NEK1: variants seen among roughly 807,000 people sequenced by gnomAD.
The protein encoded by NEK1 is NIMA related kinase 1.
A neutral mutation model predicts 182.1 loss-of-function variants in NEK1; 137 were observed. That is an observed-to-expected ratio of 0.75 (90% CI 0.65 to 0.87). NEK1 has a LOEUF of 0.87. Among genes scored for constraint, NEK1 ranks in the 40% least tolerant of loss-of-function variants. NEK1 has a pLI of 0.00. For synonymous variants in NEK1, 513 were observed against 492.2 expected (o/e 1.04, Z -0.56); for missense variants, 1,391 against 1,494.4 (o/e 0.93, Z 1.14).
intron 35 of NEK1, among the ~76,000 whole-genome samples, chr4:169,397,252 A>G (rs1335239969): frequency 1.3e-5 from 2 of 151,476 alleles, no homozygotes; most frequent in Non-Finnish European, 2.9e-5. Context: ...CCAACAAAAA[A>G]CTCCCCAAAT....
intron 26 of NEK1, 120 bp downstream of exon 26, chr4:169,477,004 T>C (rs1038303615): frequency 6.1e-6 from 4 of 658,978 alleles, no homozygotes; most frequent in Admixed American, 6.7e-5. Flanking sequence ...AAGGAAAATA[T>C]ATAGAATTCT....
chr4:169,434,220 T>C (rs2149412696), intron 28 of NEK1, among the ~76,000 whole-genome samples: 1 of 149,218 alleles, frequency 6.7e-6, no homozygotes, highest in African/African-American at 2.5e-5. Context: ...TTTTTTTTTT[T>C]TTTTTGAGAC....
At chr4:169,479,637 A>C in intron 23 of NEK1, 103 bp from the exon 24 acceptor site, 1 of 925,142 alleles carries the variant, frequency 1.1e-6, no homozygotes, top group Non-Finnish European at 1.6e-6. Flanking sequence ...ATCCACAAGT[A>C]GTTTTTTTCA....
intron 12 of NEK1, among the ~76,000 whole-genome samples, chr4:169,563,343 C>T (rs147119847): frequency 4.6e-5 from 7 of 151,096 alleles, no homozygotes; most frequent in East Asian, 1.9e-4. Context: ...CCTGACAGAG[C>T]GAGATCCTGT....
intron 18 of NEK1, 111 bp from the exon 19 acceptor site, chr4:169,538,022 G>A: frequency 3.1e-6 from 2 of 644,236 alleles, no homozygotes; most frequent in Non-Finnish European, 5.4e-6. Flanking sequence ...GAAGGCTGAT[G>A]AAACACTATC....
At position 169,556,111 on chromosome 4, in the gene NEK1, A is replaced by G; in HGVS notation, c.1267-16T>C. On this transcript the variant is annotated splice_polypyrimidine_tract_variant and intron_variant, in intron 16 of 35. Transcript: ENST00000507142. ...GAAAAGGAGCCTAGGGATTAAACAA[A>G]GAGCTCTCACATGTTTATCTTATAA... 6.2e-7 allele frequency: 1 copy of G among 1,605,864 alleles called. No homozygotes were observed. Among genetic ancestry groups the G allele is most frequent in the Non-Finnish European group, 8.5e-7 (1 of 1,176,486 alleles).
intron 29 of NEK1, among the ~76,000 whole-genome samples, chr4:169,428,571 A>T (rs1579531316): frequency 6.6e-6 from 1 of 151,518 alleles, no homozygotes; most frequent in African/African-American, 2.4e-5. Context: ...GTTGGTGGGG[A>T]GGGAAAAAAC....
intron 19 of NEK1, among the ~76,000 whole-genome samples, chr4:169,514,359 G>C (rs1160768782): frequency 6.6e-6 from 1 of 152,100 alleles, no homozygotes; most frequent in Non-Finnish European, 1.5e-5. Flanking sequence ...TTTGGTTATG[G>C]TATTAGGGTA....
Position 169,602,681 on chromosome 4 carries a change from A to T in NEK1, c.-48-3T>A. 1 of 933,748 alleles carries T rather than the reference A, an allele frequency of 1.1e-6. No homozygotes were observed. The highest frequency in any genetic ancestry group is 1.7e-6 in the Non-Finnish European group (1 of 581,802). The allele number at this position is 933,748 out of a possible 1,614,324, so 57.8% of individuals were successfully genotyped here. A position where few individuals can be genotyped will look rare whatever the true frequency, so the allele number is the denominator to read the frequency against. ...AGATATGCTAGACATTTAAAAAACTAACAAAAAAGATAAAGCATTTATAAC... is the reference window on the plus strand; with the variant it reads ...AGATATGCTAGACATTTAAAAAACTTACAAAAAAGATAAAGCATTTATAAC... On this transcript the variant is annotated splice_region_variant and splice_polypyrimidine_tract_variant and intron_variant, in intron 2 of 35. Transcript: ENST00000507142.
chr4:169,447,187 AGCAGCAGACTTTGTGTCTG>A (rs1310705231), intron 27 of NEK1, among the ~76,000 whole-genome samples: 5 of 152,244 alleles, frequency 3.3e-5, no homozygotes, highest in African/African-American at 1.2e-4. Context: ...GGAGAAAAGC[AGCAGCAGACTTTGTGTCTG>A]GCAGCAGACT....
At chr4:169,446,384 A>T (rs970558454) in intron 27 of NEK1, among the ~76,000 whole-genome samples, 6 of 152,304 alleles carry the variant, frequency 3.9e-5, no homozygotes, top group Admixed American at 3.3e-4. Context: ...ATGTGAAACT[A>T]TTATGAACAA....
In NEK1 at chr4:169,526,921, A is replaced by G. The variant is rs569087493; in HGVS notation, c.1665+10888T>C. Reference sequence around the variant, plus strand: ...ATTTGAAGAAATAATGGCTTAAAACATGACAAGTTTGGTGTAATCCATAAC... The same window carrying G: ...ATTTGAAGAAATAATGGCTTAAAACGTGACAAGTTTGGTGTAATCCATAAC... On this transcript the variant is annotated intron_variant, in intron 19 of 35. Coordinates refer to ENST00000507142, the MANE Select transcript of NEK1 (RefSeq NM_001199397.3). Among the ~76,000 whole-genome samples the G allele has an allele frequency of 6.6e-5, 10 of 152,350 alleles. 1 individual carries two copies. In the South Asian group the frequency reaches 2.1e-3, roughly 32 times the overall value.
intron 29 of NEK1, among the ~76,000 whole-genome samples, chr4:169,428,371 T>TATAA (rs1447545764): frequency 7.6e-5 from 11 of 144,784 alleles, no homozygotes; most frequent in African/African-American, 1.2e-4. Context: ...TATATATATA[T>TATAA]AATGGAATAT....
At chr4:169,434,366 C>T (rs1285989517) in intron 28 of NEK1, among the ~76,000 whole-genome samples, 1 of 152,064 alleles carries the variant, frequency 6.6e-6, no homozygotes, top group Non-Finnish European at 1.5e-5. Flanking sequence ...GCACACACTA[C>T]CACACCAGGC....
intron 11 of NEK1, among the ~76,000 whole-genome samples, chr4:169,578,575 A>T (rs746485020): frequency 1.3e-5 from 2 of 152,228 alleles, no homozygotes; most frequent in African/African-American, 2.4e-5. Context: ...GTATAAATTA[A>T]AAGAAACAAA....
At chr4:169,445,657 T>G (rs1029027573) in intron 27 of NEK1, among the ~76,000 whole-genome samples, 3 of 150,736 alleles carry the variant, frequency 2.0e-5, no homozygotes, top group Non-Finnish European at 4.4e-5. Flanking sequence ...AATAATAAGA[T>G]GATGAGGACT....
intron 23 of NEK1, among the ~76,000 whole-genome samples, chr4:169,505,339 C>T (rs1753070018): frequency 6.6e-6 from 1 of 151,954 alleles, no homozygotes; most frequent in Non-Finnish European, 1.5e-5. Context: ...CCTTCCTCAG[C>T]CTACTCCACC....
intron 18 of NEK1, among the ~76,000 whole-genome samples, chr4:169,540,432 C>T (rs528346269): frequency 6.6e-6 from 1 of 152,174 alleles, no homozygotes; most frequent in Non-Finnish European, 1.5e-5. Flanking sequence ...TTCACATACA[C>T]CAAAAATAGT....
chr4:169,569,517 T>C (rs1229330966), intron 12 of NEK1, among the ~76,000 whole-genome samples: 1 of 138,940 alleles, frequency 7.2e-6, no homozygotes, highest in African/African-American at 2.7e-5. Context: ...CTCCCTCTCT[T>C]TCCACAGTCT....
Sources: allele counts gnomAD v4.1 joint callset (sites outside exome capture counted in the v4.1 genomes callset), GRCh38; gene constraint gnomAD v4.1.1; transcripts MANE v1.5; gene names NCBI Gene and HGNC (gene_info 2026-07-23, HGNC 2026-07-21).